UTP15: variants seen among roughly 807,000 people sequenced by gnomAD.
UTP15 encodes UTP15 small subunit processome component.
UTP15 carries 5 observed loss-of-function variants against 59.1 expected under a neutral mutation model. That is an observed-to-expected ratio of 0.08 (90% CI 0.04 to 0.18). The LOEUF (loss-of-function observed/expected upper bound fraction) is 0.18. UTP15 is among the 10% of genes least tolerant of loss of function. The pLI is 1.00. For missense variants in UTP15, 494 were observed against 616.7 expected (o/e 0.80, Z 2.11); for synonymous variants, 211 against 212.2 (o/e 0.99, Z 0.05).
intron 6 of UTP15, 89 bp from the exon 7 acceptor site, chr5:73,572,400 T>A (rs1163248026): frequency 6.5e-7 from 1 of 1,528,852 alleles, no homozygotes; most frequent in Non-Finnish European, 8.9e-7. Flanking sequence ...CCATGCTTTG[T>A]GGAGTGTCCA....
chr5:73,581,693 CGTATT>C lies in UTP15; in HGVS notation c.*1600_*1604del, dbSNP rs1358122886. The C allele has an allele frequency of 6.6e-6, 1 of 150,712 alleles. No homozygotes were observed. The highest frequency in any genetic ancestry group is 1.5e-5 in the Non-Finnish European group (1 of 67,796). The allele number at this position is 150,712 out of a possible 1,614,324, so 9.3% of individuals were successfully genotyped here. On this transcript the variant is annotated 3_prime_UTR_variant, in exon 13 of 13. Coordinates refer to ENST00000296792, the MANE Select transcript of UTP15 (RefSeq NM_032175.4). ...GGGTATTAAGTAAAAATTAAATAAA[CGTATT>C]AAGTTTAACATATTAAATTAATTTA...
At chr5:73,574,247 C>T (rs765261131) in intron 7 of UTP15, among the ~76,000 whole-genome samples, 16 of 151,766 alleles carry the variant, frequency 1.1e-4, no homozygotes, top group South Asian at 2.1e-4. Context: ...GCACTTAAGC[C>T]GGAGTTTGAG....
chr5:73,567,236 T>C lies in UTP15; in HGVS notation c.-83-26T>C, dbSNP rs1747802812. 8 of 593,006 alleles carry C rather than the reference T, an allele frequency of 1.3e-5. 1 individual carries two copies. The East Asian group carries it at 2.0e-4, about 14-fold the overall frequency. 36.7% of individuals were successfully genotyped at this position (593,006 alleles called of 1,614,324 possible). On this transcript the variant is annotated intron_variant, in intron 1 of 12. Transcript: ENST00000296792. The stretch of plus-strand genomic sequence containing the variant: ...CAACTATGTGTACAAGCTTATAATA[T>C]GTATATAAAATATTTTATTTTTCAG...
Position 73,579,375 on chromosome 5 carries a change from G to A in UTP15, c.1339G>A (p.Asp447Asn). The A allele has an allele frequency of 6.2e-7, 1 of 1,600,026 alleles. No homozygotes were observed. Among genetic ancestry groups the A allele is most frequent in the Non-Finnish European group, 8.5e-7 (1 of 1,173,938 alleles). Residue 447 changes from aspartate (D) to asparagine (N), a missense_variant and splice_region_variant, in exon 12 of 13, where the codon GAT (aspartate) becomes AAT (asparagine). By Grantham distance (23) the Asp-to-Asn change is conservative. Coordinates refer to ENST00000296792, the MANE Select transcript of UTP15 (RefSeq NM_032175.4). ...AATCAATGCTGCTGAAATAATTATT[G>A]GTAAGTCATTGTTAAAACTTGAAAA... Reference protein sequence around the residue: ...VLINAAEIIIDIYLPVIGQSP... With the variant: ...VLINAAEIIINIYLPVIGQSP...
rs755948858 is a variant in UTP15 at position 73,572,472 on chromosome 5, A to G, written c.674-17A>G. ...CTGTGGGCAGAATATCCAACTAACG[A>G]TGATTTCTTTTTATAGGAGGTCGTT... On this transcript the variant is annotated splice_polypyrimidine_tract_variant and intron_variant, in intron 6 of 12. Transcript: ENST00000296792. 3 of 1,612,248 alleles carry G rather than the reference A, an allele frequency of 1.9e-6. No individual in the cohort carries two copies. In the African/African-American group the frequency reaches 4.0e-5, roughly 22 times the overall value.
chr5:73,572,767 T>G (rs952978060), intron 7 of UTP15, 143 bp downstream of exon 7: 2 of 818,892 alleles, frequency 2.4e-6, no homozygotes, highest in Admixed American at 3.2e-5. Context: ...TGAAAATAGT[T>G]TTGACCTTTT....
chr5:73,578,852 T>G lies in UTP15; in HGVS notation c.1146T>G (p.Asp382Glu), dbSNP rs767504400. The G allele has an allele frequency of 7.5e-6, 12 of 1,603,578 alleles. No homozygotes were observed. Among genetic ancestry groups the G allele is most frequent in the Admixed American group, 6.7e-5 (4 of 59,482 alleles). ...RISKALDRVLDPTCTIKTPEI... is the reference protein window; with the variant it reads ...RISKALDRVLEPTCTIKTPEI... ...CTAAGGCACTCGATAGAGTTCTTGA[T>G]GTGAGTGAGCATTTTTTAAAAAATC... Residue 382 changes from aspartate (D) to glutamate (E), a missense_variant and splice_region_variant, in exon 10 of 13, where the codon GAT becomes GAG. Asp to Glu is a conservative substitution (Grantham distance 45). Transcript: ENST00000296792.
intron 7 of UTP15, among the ~76,000 whole-genome samples, chr5:73,575,855 G>A (rs963925316): frequency 6.6e-6 from 1 of 151,372 alleles, no homozygotes; most frequent in African/African-American, 2.4e-5. Flanking sequence ...CCAAGTAGCC[G>A]AGATTACAGG....
At chr5:73,569,789 G>T in intron 5 of UTP15, 114 bp downstream of exon 5, 2 of 812,710 alleles carry the variant, frequency 2.5e-6, no homozygotes, top group South Asian at 2.3e-5. Flanking sequence ...AAAGGAATAT[G>T]TTTCTGATTA....
chr5:73,572,220 G>A (rs1277797826), intron 6 of UTP15, among the ~76,000 whole-genome samples: 2 of 152,092 alleles, frequency 1.3e-5, no homozygotes, highest in Admixed American at 1.3e-4. Context: ...TTCTTAAAAT[G>A]GACTCTTTCA....
intron 2 of UTP15, chr5:73,567,759 A>T (rs753352072): frequency 2.6e-5 from 5 of 194,750 alleles, no homozygotes; most frequent in Non-Finnish European, 5.2e-5. Context: ...ATCTTGAAAA[A>T]CCCATGTCTA....
In UTP15 at chr5:73,573,357, C is replaced by T. The variant is rs1296786876; in HGVS notation, c.809+733C>T. ...CTGTCTCCCAGGTTCAAGCGATTCT[C>T]GTGACCCAGCCTCCCAAGTAGCTGG... On this transcript the variant is annotated intron_variant, in intron 7 of 12. Transcript: ENST00000296792. 4.7e-5 allele frequency among the ~76,000 whole-genome samples: 7 copies of T among 149,362 alleles called. No individual in the cohort carries two copies. In the East Asian group the frequency reaches 8.1e-4, roughly 17 times the overall value.
At chr5:73,571,739 C>T (rs1376822378) in intron 6 of UTP15, among the ~76,000 whole-genome samples, 2 of 151,802 alleles carry the variant, frequency 1.3e-5, no homozygotes, top group East Asian at 3.9e-4. Flanking sequence ...AGTTTGAGAC[C>T]AGCCTGGGCA....
chr5:73,567,932 G>T (rs1203331942), intron 2 of UTP15, among the ~76,000 whole-genome samples: 1 of 152,276 alleles, frequency 6.6e-6, no homozygotes, highest in African/African-American at 2.4e-5. Context: ...GTACAAGTAC[G>T]TGGTTATTGT....
rs1320370290 is a variant in UTP15 at position 73,580,139 on chromosome 5, T to G, written c.*45T>G. 1 of 1,541,962 alleles carries G rather than the reference T, an allele frequency of 6.5e-7. No homozygotes were observed. Among genetic ancestry groups the G allele is most frequent in the Non-Finnish European group, 8.9e-7 (1 of 1,124,468 alleles). On this transcript the variant is annotated 3_prime_UTR_variant, in exon 13 of 13. Coordinates refer to ENST00000296792, the MANE Select transcript of UTP15 (RefSeq NM_032175.4). The stretch of plus-strand genomic sequence containing the variant: ...ATAAGAACTCTGAAGTTGGAATAGA[T>G]TTGACTGTATTAAATGTTGGCGAGA...
At chr5:73,567,083 A>G (rs1485369243) in intron 1 of UTP15, among the ~76,000 whole-genome samples, 179 bp from the exon 2 acceptor site, 5 of 152,342 alleles carry the variant, frequency 3.3e-5, no homozygotes, top group Middle Eastern at 3.4e-3. Flanking sequence ...ATGGTGCGAT[A>G]TGATAGCCTT....
chr5:73,573,978 T>G (rs1210534586), intron 7 of UTP15, among the ~76,000 whole-genome samples: 2 of 152,120 alleles, frequency 1.3e-5, no homozygotes, highest in African/African-American at 4.8e-5. Context: ...GTCAAAATTA[T>G]TAAGATACTA....
Position 73,579,302 on chromosome 5 carries a change from A to G in UTP15, c.1281-15A>G, listed in dbSNP as rs778651637. 6.2e-7 allele frequency: 1 copy of G among 1,605,642 alleles called. No individual in the cohort carries two copies. The highest frequency in any genetic ancestry group is 8.5e-7 in the Non-Finnish European group (1 of 1,177,018). ...AAGTTTACAAGTTTCACTAAACTGA[A>G]TTTTTACTTTGTAGGAATCTTTCTC... On this transcript the variant is annotated splice_polypyrimidine_tract_variant and intron_variant, in intron 11 of 12. Transcript: ENST00000296792.
At position 73,579,867 on chromosome 5, in the gene UTP15, C is replaced by T. The variant is rs1748245469; in HGVS notation, c.1340-10C>T. ...TTGCTAGTTAATGTGTTTTCTTTCTCTCTTTTTAGATATATATCTGCCTGT... is the reference window on the plus strand; with the variant it reads ...TTGCTAGTTAATGTGTTTTCTTTCTTTCTTTTTAGATATATATCTGCCTGT... On this transcript the variant is annotated splice_polypyrimidine_tract_variant and intron_variant, in intron 12 of 12. Transcript: ENST00000296792. 1.3e-6 allele frequency: 2 copies of T among 1,552,948 alleles called. No homozygotes were observed. Among genetic ancestry groups the T allele is most frequent in the Non-Finnish European group, 1.7e-6 (2 of 1,150,248 alleles).
Sources: allele counts gnomAD v4.1 joint callset (sites outside exome capture counted in the v4.1 genomes callset), GRCh38; gene constraint gnomAD v4.1.1; transcripts MANE v1.5; gene names NCBI Gene and HGNC (gene_info 2026-07-23, HGNC 2026-07-21).